The following CCDC144A variants were observed in gnomAD, a reference collection of about 807,000 sequenced individuals.
The protein encoded by CCDC144A is coiled-coil domain-containing protein 144A.
CCDC144A carries 41 observed loss-of-function variants against 143.8 expected under a neutral mutation model. That is an observed-to-expected ratio of 0.29 (90% CI 0.22 to 0.37). The LOEUF (loss-of-function observed/expected upper bound fraction) is 0.37. CCDC144A is among the 10% of genes least tolerant of loss of function. The pLI is 1.00. For synonymous variants in CCDC144A, 242 were observed against 517.9 expected (o/e 0.47, Z 7.23); for missense variants, 637 against 1,488.8 (o/e 0.43, Z 9.41).
At chr17:16,692,203 T>C (rs1208598177) in intron 1 of CCDC144A, among the ~76,000 whole-genome samples, 1 of 151,862 alleles carries the variant, frequency 6.6e-6, no homozygotes, top group Non-Finnish European at 1.5e-5. Context: ...AGCATCCTTC[T>C]AACAAAGATC....
At chr17:16,717,795 T>A (rs1311227413) in intron 6 of CCDC144A, among the ~76,000 whole-genome samples, 1 of 152,244 alleles carries the variant, frequency 6.6e-6, no homozygotes, top group Admixed American at 6.5e-5. Flanking sequence ...ATTTTTTTTA[T>A]TTGTTATCAG....
chr17:16,767,483 A>G (rs973328458), intron 15 of CCDC144A, among the ~76,000 whole-genome samples: 4 of 131,540 alleles, frequency 3.0e-5, no homozygotes, highest in Admixed American at 2.9e-4. Flanking sequence ...GTAACATACC[A>G]TCTAAACTGA....
At chr17:16,672,912 A>T in the CCDC144A span, among the ~76,000 whole-genome samples, 1 of 152,150 alleles carries the variant, frequency 6.6e-6, no homozygotes, top group Non-Finnish European at 1.5e-5. Context: ...AATACAAAAA[A>T]TGGCCTAACA....
chr17:16,677,813 A>G, the CCDC144A span, among the ~76,000 whole-genome samples: 3 of 150,696 alleles, frequency 2.0e-5, no homozygotes, highest in Admixed American at 2.0e-4. Context: ...TCTCAAAAAA[A>G]GAAAAAAAAA....
At chr17:16,697,092 T>G (rs531278425) in intron 2 of CCDC144A, among the ~76,000 whole-genome samples, 1 of 152,174 alleles carries the variant, frequency 6.6e-6, no homozygotes, top group South Asian at 2.1e-4. Flanking sequence ...GCTATTGGCA[T>G]GATAAATATC....
At chr17:16,675,209 C>T in the CCDC144A span, among the ~76,000 whole-genome samples, 68 of 146,774 alleles carry the variant, frequency 4.6e-4, 2 homozygotes, top group Non-Finnish European at 3.0e-5. Flanking sequence ...GTGGAGGTTG[C>T]AGTAAGCCGA....
intron 12 of CCDC144A, among the ~76,000 whole-genome samples, chr17:16,755,470 G>GT (rs1915033888): frequency 6.6e-6 from 1 of 152,072 alleles, no homozygotes; most frequent in Non-Finnish European, 1.5e-5. Context: ...CCAGATTGAG[G>GT]ACTCCTGTAA....
chr17:16,723,040 A>G (rs1473715357), intron 8 of CCDC144A, among the ~76,000 whole-genome samples: 1 of 147,828 alleles, frequency 6.8e-6, no homozygotes, highest in Admixed American at 6.7e-5. Flanking sequence ...TTTCTCCTCT[A>G]TTTTTTTTTT....
chr17:16,708,461 G>A (rs1353284142), intron 4 of CCDC144A, among the ~76,000 whole-genome samples: 2 of 152,018 alleles, frequency 1.3e-5, no homozygotes, highest in African/African-American at 4.8e-5. Flanking sequence ...ACTAGAAATC[G>A]TCTGCTAATT....
chr17:16,700,445 A>T (rs913000582), intron 2 of CCDC144A, among the ~76,000 whole-genome samples: 1 of 152,192 alleles, frequency 6.6e-6, no homozygotes, highest in Non-Finnish European at 1.5e-5. Context: ...ACATTTGCAC[A>T]AACAGTTTAG....
At chr17:16,711,136 GAAAA>G (rs1210697273) in intron 5 of CCDC144A, among the ~76,000 whole-genome samples, 78 of 21,774 alleles carry the variant, frequency 3.6e-3, no homozygotes, top group African/African-American at 0.012. Context: ...GGATTCAAAT[GAAAA>G]AAAAAAAAAA....
intron 15 of CCDC144A, chr17:16,766,567 C>G (rs182292634): frequency 2.0e-5 from 3 of 152,568 alleles, no homozygotes; most frequent in African/African-American, 7.2e-5. Flanking sequence ...TGGTGAAACC[C>G]CGTCCCTAAT....
intron 12 of CCDC144A, among the ~76,000 whole-genome samples, chr17:16,750,369 G>A (rs935375706): frequency 8.0e-5 from 12 of 150,244 alleles, no homozygotes; most frequent in African/African-American, 3.0e-4. Flanking sequence ...GTGGTATGAA[G>A]TTCTTGGCTG....
intron 9 of CCDC144A, among the ~76,000 whole-genome samples, chr17:16,729,242 C>T (rs1913588404): frequency 6.6e-6 from 1 of 152,138 alleles, no homozygotes; most frequent in South Asian, 2.1e-4. Flanking sequence ...CACATCTGCA[C>T]CAACATCTAT....
chr17:16,751,592 C>T (rs572715762), intron 12 of CCDC144A, among the ~76,000 whole-genome samples: 2 of 152,318 alleles, frequency 1.3e-5, no homozygotes, highest in East Asian at 3.9e-4. Context: ...ATTTTGAGGG[C>T]TGCACACCTC....
At chr17:16,694,671 A>C (rs967650401) in intron 2 of CCDC144A, among the ~76,000 whole-genome samples, 6 of 152,074 alleles carry the variant, frequency 3.9e-5, no homozygotes, top group Non-Finnish European at 8.8e-5. Context: ...TTCTGAGTGC[A>C]GAAGTCAGAA....
the CCDC144A span, among the ~76,000 whole-genome samples, chr17:16,672,074 G>A: frequency 6.6e-6 from 1 of 151,984 alleles, no homozygotes; most frequent in Non-Finnish European, 1.5e-5. Flanking sequence ...CCCCAACCAT[G>A]CCACTTCCCA....
intron 12 of CCDC144A, among the ~76,000 whole-genome samples, chr17:16,759,990 G>A (rs563081480): frequency 1.4e-4 from 21 of 152,332 alleles, no homozygotes; most frequent in South Asian, 4.1e-4. Context: ...TTACCTGTGC[G>A]GCATTCGAAG....
intron 16 of CCDC144A, among the ~76,000 whole-genome samples, chr17:16,772,272 C>T (rs1915851221): frequency 1.3e-5 from 2 of 152,034 alleles, no homozygotes; most frequent in Non-Finnish European, 2.9e-5. Flanking sequence ...CTTCTGCCAT[C>T]CCTATGGAAT....
Sources: gnomAD v4.1 joint callset for allele counts (sites outside exome capture counted in the v4.1 genomes callset) on GRCh38, gnomAD v4.1.1 for gene constraint, MANE v1.5 for transcripts, NCBI Gene and HGNC (gene_info 2026-07-23, HGNC 2026-07-21) for gene names.